Variants in MZT2A observed in about 807,000 individuals in gnomAD.
MZT2A encodes mitotic-spindle organizing protein 2A.
A neutral mutation model predicts 12.4 loss-of-function variants in MZT2A; 8 were observed. The observed-to-expected ratio is 0.64, with a 90% CI of 0.38 to 1.16. The LOEUF (loss-of-function observed/expected upper bound fraction) is 1.16. Ranked by LOEUF, MZT2A falls within the 50% of genes most tolerant of loss-of-function variation. MZT2A has a pLI of 0.01. For missense variants in MZT2A, 181 were observed against 223.6 expected (o/e 0.81, Z 1.22); for synonymous variants, 88 against 107.5 (o/e 0.82, Z 1.12).
At chr2:131,475,799 G>C (rs1444183493) in intron 2 of MZT2A, among the ~76,000 whole-genome samples, 1 of 152,068 alleles carries the variant, frequency 6.6e-6, no homozygotes, top group Non-Finnish European at 1.5e-5. Context: ...GGCAGGGAGA[G>C]GGGCAGGCCT....
intron 2 of MZT2A, chr2:131,491,357 C>T (rs1679293609): frequency 7.3e-6 from 2 of 275,324 alleles, no homozygotes; most frequent in African/African-American, 2.2e-5. Context: ...GGGGTAAAGG[C>T]AGGAAGACGT....
intron 2 of MZT2A, chr2:131,478,083 T>C: frequency 6.5e-7 from 1 of 1,539,262 alleles, no homozygotes; most frequent in Non-Finnish European, 8.8e-7. Flanking sequence ...TATATAAATA[T>C]TAAATTAGAA....
At chr2:131,478,013 G>A in intron 2 of MZT2A, 1 of 995,888 alleles carries the variant, frequency 1.0e-6, no homozygotes. Context: ...AGCGATAAAG[G>A]GATCAGTCAC....
At chr2:131,482,625 T>A (rs756959931), downstream of MZT2A, 1 of 1,614,186 alleles carries the variant, frequency 6.2e-7, no homozygotes, top group East Asian at 2.2e-5. Context: ...GCCGTGTGCA[T>A]GCTGAGCAAC....
chr2:131,488,402 G>A (rs1216294865), intron 2 of MZT2A, among the ~76,000 whole-genome samples: 3 of 152,130 alleles, frequency 2.0e-5, no homozygotes, highest in African/African-American at 7.2e-5. Flanking sequence ...CTGCATGGCT[G>A]GGGGACAGGC....
chr2:131,479,394 A>G (rs751644578), downstream of MZT2A: 2 of 1,614,220 alleles, frequency 1.2e-6, no homozygotes, highest in East Asian at 4.5e-5. Flanking sequence ...TAATTACGCC[A>G]GGGGCCATTA....
intron 2 of MZT2A, among the ~76,000 whole-genome samples, chr2:131,488,534 C>T (rs1280473045): frequency 6.6e-6 from 1 of 151,886 alleles, no homozygotes; most frequent in African/African-American, 2.4e-5. Flanking sequence ...ATGCCCCTCC[C>T]CCCGGATTAC....
intron 2 of MZT2A, chr2:131,490,419 G>A (rs1679243124): frequency 8.0e-7 from 1 of 1,250,542 alleles, no homozygotes; most frequent in African/African-American, 1.5e-5. Context: ...GCACCCGGCT[G>A]GCTGTCTTCC....
intron 2 of MZT2A, chr2:131,490,774 A>C: frequency 6.5e-7 from 1 of 1,549,868 alleles, no homozygotes; most frequent in Non-Finnish European, 8.7e-7. Context: ...CTGGAGAGAG[A>C]GGTGAGTGTG....
chr2:131,491,689 C>G (rs1395897915), intron 2 of MZT2A, 187 bp downstream of exon 2: 3 of 788,904 alleles, frequency 3.8e-6, no homozygotes, highest in Non-Finnish European at 5.9e-6. Flanking sequence ...CTGACCTGGA[C>G]GTGCCTCCTA....
intron 2 of MZT2A, among the ~76,000 whole-genome samples, chr2:131,484,515 T>G (rs1235246812): frequency 6.6e-6 from 1 of 152,190 alleles, no homozygotes; most frequent in East Asian, 1.9e-4. Flanking sequence ...CGGGCCCATT[T>G]AGGGAAAGGT....
chr2:131,484,589 GGCA>G (rs34185196), intron 2 of MZT2A, among the ~76,000 whole-genome samples: 62,787 of 151,652 alleles, frequency 0.41, 15,012 homozygotes, highest in East Asian at 0.77. Flanking sequence ...TGCCATCAGC[GGCA>G]GCAGCAGCAG....
upstream of MZT2A, chr2:131,492,675 G>T: frequency 8.0e-7 from 1 of 1,247,480 alleles, no homozygotes; most frequent in South Asian, 1.5e-5. Flanking sequence ...TTAGGTGGCA[G>T]CACCCAGCCC....
At chr2:131,480,930 G>C (rs1195532432), downstream of MZT2A, among the ~76,000 whole-genome samples, 1 of 150,830 alleles carries the variant, frequency 6.6e-6, no homozygotes, top group East Asian at 1.9e-4. Context: ...TTTTGAGACA[G>C]TCTTGCTCTG....
downstream of MZT2A, chr2:131,482,982 G>A: frequency 6.9e-7 from 1 of 1,449,626 alleles, no homozygotes; most frequent in South Asian, 1.4e-5. Flanking sequence ...GAGCCGGTGG[G>A]ACCCTAGAGC....
intron 2 of MZT2A, among the ~76,000 whole-genome samples, chr2:131,484,535 G>A (rs1241500415): frequency 3.3e-5 from 5 of 152,216 alleles, no homozygotes; most frequent in Non-Finnish European, 7.3e-5. Flanking sequence ...TAGGTGTGGT[G>A]GTCCACACCT....
chr2:131,471,751 G>A (rs536530276), intron 3 of MZT2A, among the ~76,000 whole-genome samples: 1 of 151,450 alleles, frequency 6.6e-6, no homozygotes, highest in East Asian at 1.9e-4. Flanking sequence ...AATGGGCGGG[G>A]CTGGGGGAGT....
intron 2 of MZT2A, 45 bp from the exon 3 acceptor site, chr2:131,484,263 T>C (rs1678965532): frequency 6.3e-7 from 1 of 1,598,124 alleles, no homozygotes. Flanking sequence ...ACGCGCCCCA[T>C]AAATGCAGCA....
chr2:131,489,838 T>C, intron 2 of MZT2A: 1 of 959,084 alleles, frequency 1.0e-6, no homozygotes, highest in Non-Finnish European at 1.2e-6. Flanking sequence ...TCACTGCCTC[T>C]CACTGGACTG....
Sources: gnomAD v4.1 joint callset for allele counts (sites outside exome capture counted in the v4.1 genomes callset) on GRCh38, gnomAD v4.1.1 for gene constraint, MANE v1.5 for transcripts, NCBI Gene and HGNC (gene_info 2026-07-23, HGNC 2026-07-21) for gene names.